Variants in OSBPL6 observed in about 807,000 individuals in gnomAD.
OSBPL6 encodes oxysterol binding protein like 6.
In OSBPL6, 49 loss-of-function variants were observed where a neutral mutation model predicts 125.8. That is an observed-to-expected ratio of 0.39 (90% CI 0.31 to 0.49). OSBPL6 has a LOEUF of 0.49. OSBPL6 is among the 20% of genes least tolerant of loss of function. OSBPL6 has a pLI of 0.88. For synonymous variants in OSBPL6, 394 were observed against 391.8 expected (o/e 1.01, Z -0.07); for missense variants, 986 against 1,135.4 (o/e 0.87, Z 1.89).
chr2:178,323,483 G>A (rs1688425896), intron 3 of OSBPL6: 1 of 152,078 alleles, frequency 6.6e-6, no homozygotes, highest in Non-Finnish European at 1.5e-5. Flanking sequence ...TTATTTTTGT[G>A]ATGGAGTTTC....
At chr2:178,290,655 A>G (rs1685172251) in intron 2 of OSBPL6, among the ~76,000 whole-genome samples, 2 of 152,154 alleles carry the variant, frequency 1.3e-5, no homozygotes. Flanking sequence ...ACTTTTTGAT[A>G]CAACAGGTTG....
At chr2:178,390,240 G>GT (rs1695284658) in intron 21 of OSBPL6, among the ~76,000 whole-genome samples, 1 of 152,220 alleles carries the variant, frequency 6.6e-6, no homozygotes, top group South Asian at 2.1e-4. Context: ...GTGAGGCCAG[G>GT]TTGGACCCTT....
intron 12 of OSBPL6, among the ~76,000 whole-genome samples, chr2:178,353,115 A>G (rs1691438845): frequency 6.6e-6 from 1 of 152,250 alleles, no homozygotes; most frequent in Non-Finnish European, 1.5e-5. Context: ...GACCAAAGGT[A>G]GATAAAACCA....
Position 178,329,416 on chromosome 2 carries a change from TA to T in OSBPL6, c.318+1039del, listed in dbSNP as rs1171746825. On this transcript the variant is annotated intron_variant, in intron 5 of 24. Transcript: ENST00000190611. ...AAACTATTATTTTTATTTATTTACT[TA>T]TTTTTTTTTTTTTTTGAGACAGAGT... Among the ~76,000 whole-genome samples, 579 of 142,986 alleles carry T rather than the reference TA, an allele frequency of 4.0e-3. 6 individuals carry two copies. Among genetic ancestry groups the T allele is most frequent in the African/African-American group, 0.014 (546 of 37,730 alleles). 93.8% of individuals were successfully genotyped at this position (142,986 alleles called of 152,430 possible). A position where few individuals can be genotyped will look rare whatever the true frequency, so the allele number is the denominator to read the frequency against.
chr2:178,232,376 A>G (rs2153981691), intron 1 of OSBPL6, among the ~76,000 whole-genome samples: 1 of 152,158 alleles, frequency 6.6e-6, no homozygotes, highest in South Asian at 2.1e-4. Flanking sequence ...CCAGAGACAT[A>G]GGGCACCAAG....
At chr2:178,279,952 C>T (rs1683980581) in intron 1 of OSBPL6, among the ~76,000 whole-genome samples, 1 of 152,134 alleles carries the variant, frequency 6.6e-6, no homozygotes, top group African/African-American at 2.4e-5. Flanking sequence ...GGAATCCCAG[C>T]ACTTTGGGAG....
chr2:178,274,986 A>C (rs11687931), intron 1 of OSBPL6, among the ~76,000 whole-genome samples: 1 of 152,132 alleles, frequency 6.6e-6, no homozygotes, highest in Non-Finnish European at 1.5e-5. Flanking sequence ...CTAGGTCCAC[A>C]GATCTTTTCC....
chr2:178,392,603 C>T (rs1355044306), intron 23 of OSBPL6, 65 bp downstream of exon 23: 11 of 1,570,518 alleles, frequency 7.0e-6, no homozygotes, highest in African/African-American at 1.4e-5. Flanking sequence ...TGCCTATAAT[C>T]CCAGCACTTT....
chr2:178,307,723 G>A (rs1026310796), intron 3 of OSBPL6, among the ~76,000 whole-genome samples: 6 of 151,930 alleles, frequency 3.9e-5, no homozygotes, highest in African/African-American at 1.5e-4. Context: ...CCCTTCCCTG[G>A]GCATTTAAAC....
At chr2:178,344,406 C>T (rs1307203685) in intron 11 of OSBPL6, 3 of 1,583,246 alleles carry the variant, frequency 1.9e-6, no homozygotes, top group African/African-American at 2.7e-5. Flanking sequence ...AGAATGAGAA[C>T]CTGTGTACAA....
chr2:178,221,542 G>A (rs1309972590), intron 1 of OSBPL6, among the ~76,000 whole-genome samples: 24 of 152,224 alleles, frequency 1.6e-4, no homozygotes, highest in African/African-American at 2.4e-5. Context: ...AATCTTTGTC[G>A]ATTATGTACG....
chr2:178,382,627 C>A, intron 16 of OSBPL6, 120 bp downstream of exon 16: 1 of 1,386,432 alleles, frequency 7.2e-7, no homozygotes, highest in Non-Finnish European at 9.6e-7. Flanking sequence ...GTTCTTTTGG[C>A]AGCTGATTGT....
At chr2:178,257,574 T>G (rs2091925747) in intron 1 of OSBPL6, among the ~76,000 whole-genome samples, 1 of 152,340 alleles carries the variant, frequency 6.6e-6, no homozygotes, top group Middle Eastern at 3.4e-3. Context: ...TTTGCTATAT[T>G]TATATATTGC....
chr2:178,355,264 C>CAA lies in OSBPL6; in HGVS notation c.1153+5881_1153+5882dup, dbSNP rs540439592. ...TGCAGAACTGAAAGAGATAGAGACACAAAAAAACCCTTCAAAAAATTAATG... is the reference window on the plus strand; with the variant it reads ...TGCAGAACTGAAAGAGATAGAGACACAAAAAAAAACCCTTCAAAAAATTAATG... On this transcript the variant is annotated intron_variant, in intron 12 of 24. Transcript: ENST00000190611. Among the ~76,000 whole-genome samples the CAA allele has an allele frequency of 3.4e-3, 514 of 151,910 alleles. 3 individuals carry two copies. Among genetic ancestry groups the CAA allele is most frequent in the African/African-American group, 0.012 (502 of 41,434 alleles).
At chr2:178,383,716 T>G (rs1559321364) in intron 17 of OSBPL6, among the ~76,000 whole-genome samples, 3 of 152,212 alleles carry the variant, frequency 2.0e-5, no homozygotes, top group Admixed American at 6.5e-5. Context: ...CTCATGCACA[T>G]GAGGCTAAGA....
At chr2:178,311,319 A>G (rs73032530) in intron 3 of OSBPL6, among the ~76,000 whole-genome samples, 3,713 of 152,014 alleles carry the variant, frequency 0.024, 165 homozygotes, top group African/African-American at 0.084. Flanking sequence ...GTCTCCAAAT[A>G]TACCCTCCTT....
chr2:178,372,179 G>A lies in OSBPL6; in HGVS notation c.1341G>A (p.Glu447=), dbSNP rs1403084756. The A allele has an allele frequency of 6.2e-7, 1 of 1,613,260 alleles. No individual in the cohort carries two copies. Among genetic ancestry groups the A allele is most frequent in the African/African-American group, 1.3e-5 (1 of 75,000 alleles). Reference sequence around the variant, plus strand: ...GTCGGTTGAACAGAATACATTCAGAGTCTATTATTTGTGATCAGGTTGTCA... The same window carrying A: ...GTCGGTTGAACAGAATACATTCAGAATCTATTATTTGTGATCAGGTTGTCA... The part of the protein sequence containing the change: ...LRSRLNRIHS[E]SIICDQVVSV... The change falls in exon 14 of 25, where the codon GAG becomes GAA. Residue 447 remains glutamate (E), a synonymous_variant. Transcript: ENST00000190611.
intron 12 of OSBPL6, among the ~76,000 whole-genome samples, chr2:178,358,096 G>A (rs891332513): frequency 6.6e-6 from 1 of 152,136 alleles, no homozygotes. Flanking sequence ...GTGAGGGGCT[G>A]GGGGAGGGAT....
intron 1 of OSBPL6, among the ~76,000 whole-genome samples, chr2:178,258,803 A>T (rs952904940): frequency 1.3e-5 from 2 of 151,304 alleles, no homozygotes; most frequent in South Asian, 2.1e-4. Context: ...TTGTTCTTGA[A>T]CTTCTTATGA....
Sources: gnomAD v4.1 joint callset for allele counts (sites outside exome capture counted in the v4.1 genomes callset) on GRCh38, gnomAD v4.1.1 for gene constraint, MANE v1.5 for transcripts, NCBI Gene and HGNC (gene_info 2026-07-23, HGNC 2026-07-21) for gene names.